The following CNTLN variants were observed in gnomAD, a reference collection of about 807,000 sequenced individuals.
CNTLN encodes the protein centlein, centrosomal protein.
A neutral mutation model predicts 180.0 loss-of-function variants in CNTLN; 212 were observed. That is an observed-to-expected ratio of 1.18 (90% CI 1.05 to 1.32). The LOEUF is 1.32. CNTLN is among the 40% of genes most tolerant of loss of function. The pLI is 0.00. For missense variants in CNTLN, 2,095 were observed against 1,610.9 expected, an observed-to-expected ratio of 1.30 and a Z score of -5.14; for synonymous variants, 722 against 563.1, an observed-to-expected ratio of 1.28 and a Z score of -3.99.
intron 13 of CNTLN, among the ~76,000 whole-genome samples, chr9:17,373,349 G>T (rs368135362): frequency 5.9e-5 from 9 of 152,120 alleles, no homozygotes; most frequent in African/African-American, 1.7e-4. Flanking sequence ...ATCTGAAAAA[G>T]AAATCAAGAA....
At chr9:17,280,461 T>A (rs2132576405) in intron 6 of CNTLN, among the ~76,000 whole-genome samples, 1 of 152,332 alleles carries the variant, frequency 6.6e-6, no homozygotes, top group African/African-American at 2.4e-5. Context: ...TTCATTTCAT[T>A]CATTCAACAA....
chr9:17,437,570 T>C (rs1253615929), intron 18 of CNTLN, among the ~76,000 whole-genome samples: 1 of 152,218 alleles, frequency 6.6e-6, no homozygotes, highest in African/African-American at 2.4e-5. Context: ...CACTATTGAA[T>C]TGATATACTA....
intron 2 of CNTLN, among the ~76,000 whole-genome samples, chr9:17,223,326 C>G (rs1302864032): frequency 6.6e-6 from 1 of 152,012 alleles, no homozygotes. Flanking sequence ...ATTTGGATGA[C>G]TCCTAAAGTT....
intron 23 of CNTLN, among the ~76,000 whole-genome samples, chr9:17,474,454 T>C (rs1182571372): frequency 6.6e-6 from 1 of 152,186 alleles, no homozygotes; most frequent in Non-Finnish European, 1.5e-5. Context: ...AGGAGTCTGC[T>C]ACCTGTCACC....
At chr9:17,427,402 A>G (rs1057490701) in intron 18 of CNTLN, among the ~76,000 whole-genome samples, 1 of 151,534 alleles carries the variant, frequency 6.6e-6, no homozygotes, top group Non-Finnish European at 1.5e-5. Context: ...GCCAATCTTT[A>G]GATAGTTTAA....
chr9:17,229,438 A>T (rs766713821), intron 3 of CNTLN, among the ~76,000 whole-genome samples: 15 of 152,022 alleles, frequency 9.9e-5, no homozygotes, highest in Non-Finnish European at 1.6e-4. Flanking sequence ...TGATTGACTG[A>T]TTTGTTTTAA....
At chr9:17,340,385 G>A (rs3824391) in intron 10 of CNTLN, among the ~76,000 whole-genome samples, 88,420 of 151,328 alleles carry the variant, frequency 0.58, 26,102 homozygotes, top group East Asian at 0.73. Context: ...GTAAATATTA[G>A]TTATGAATTC....
chr9:17,263,993 T>G (rs1288665404), intron 5 of CNTLN, among the ~76,000 whole-genome samples: 1 of 145,690 alleles, frequency 6.9e-6, no homozygotes, highest in Admixed American at 6.8e-5. Context: ...TTTTGTAGGT[T>G]GCCTGTTCAC....
At chr9:17,483,699 G>C (rs551131059) in intron 23 of CNTLN, among the ~76,000 whole-genome samples, 2 of 152,160 alleles carry the variant, frequency 1.3e-5, no homozygotes, top group Non-Finnish European at 1.5e-5. Context: ...AAAGGCTTGT[G>C]AAGTAGTTCT....
intron 18 of CNTLN, among the ~76,000 whole-genome samples, chr9:17,445,301 T>G (rs1425127460): frequency 6.6e-6 from 1 of 152,092 alleles, no homozygotes; most frequent in Non-Finnish European, 1.5e-5. Flanking sequence ...TCCAAGCACT[T>G]TATTTGCAAG....
intron 13 of CNTLN, among the ~76,000 whole-genome samples, chr9:17,372,356 T>C (rs1194803566): frequency 2.0e-5 from 3 of 152,070 alleles, no homozygotes; most frequent in Non-Finnish European, 2.9e-5. Context: ...TATATGCCAA[T>C]AAATTGGAAA....
At chr9:17,396,499 G>T (rs1332934368) in intron 15 of CNTLN, among the ~76,000 whole-genome samples, 2 of 152,118 alleles carry the variant, frequency 1.3e-5, no homozygotes, top group African/African-American at 4.8e-5. Flanking sequence ...AATGACATAT[G>T]TCCTTGATTT....
the CNTLN span, among the ~76,000 whole-genome samples, chr9:17,509,653 C>G: frequency 6.6e-6 from 1 of 152,168 alleles, no homozygotes; most frequent in Non-Finnish European, 1.5e-5. Context: ...GCTGTATACA[C>G]TTGAAATCAG....
At chr9:17,172,864 A>T (rs541219759) in intron 2 of CNTLN, among the ~76,000 whole-genome samples, 1 of 152,292 alleles carries the variant, frequency 6.6e-6, no homozygotes, top group South Asian at 2.1e-4. Context: ...GGCCTCCAAC[A>T]TGATTAATAT....
intron 6 of CNTLN, among the ~76,000 whole-genome samples, chr9:17,283,657 G>A (rs538680041): frequency 6.6e-6 from 1 of 152,136 alleles, no homozygotes; most frequent in Non-Finnish European, 1.5e-5. Context: ...GTGAGAGACA[G>A]CATCCTTGTC....
intron 12 of CNTLN, among the ~76,000 whole-genome samples, chr9:17,355,938 C>A (rs1822801815): frequency 6.6e-6 from 1 of 151,844 alleles, no homozygotes; most frequent in African/African-American, 2.4e-5. Flanking sequence ...GTGGCGGGCG[C>A]CTGTAGTCCC....
At chr9:17,485,430 G>C (rs1832843941) in intron 24 of CNTLN, among the ~76,000 whole-genome samples, 1 of 152,112 alleles carries the variant, frequency 6.6e-6, no homozygotes, top group Non-Finnish European at 1.5e-5. Flanking sequence ...TGAATTCCCA[G>C]TTTCTGTTTT....
At chr9:17,521,564 A>G in the CNTLN span, among the ~76,000 whole-genome samples, 1 of 152,054 alleles carries the variant, frequency 6.6e-6, no homozygotes, top group Non-Finnish European at 1.5e-5. Flanking sequence ...ACATAGAGAA[A>G]CCTATTCCTT....
intron 3 of CNTLN, among the ~76,000 whole-genome samples, chr9:17,234,744 G>C (rs1001469603): frequency 1.6e-4 from 25 of 152,148 alleles, no homozygotes; most frequent in African/African-American, 6.0e-4. Flanking sequence ...GTGTTATTGA[G>C]TCTGACTTGG....
Sources: allele counts gnomAD v4.1 joint callset (sites outside exome capture counted in the v4.1 genomes callset), GRCh38; gene constraint gnomAD v4.1.1; transcripts MANE v1.5; gene names NCBI Gene and HGNC (gene_info 2026-07-23, HGNC 2026-07-21).